OSBPL10: variants seen among roughly 807,000 people sequenced by gnomAD.
OSBPL10 encodes the protein oxysterol-binding protein-related protein 10.
In OSBPL10, 49 loss-of-function variants were observed where a neutral mutation model predicts 81.7. That is an observed-to-expected ratio of 0.60 (90% CI 0.48 to 0.76). The LOEUF (loss-of-function observed/expected upper bound fraction) is 0.76, where lower values mean the gene tolerates loss of function less well. Ranked by LOEUF, OSBPL10 falls within the 30% of genes least tolerant of loss-of-function variation. The probability of loss-of-function intolerance (pLI) is 0.00; values close to 1 mark genes in which losing one functional copy is unlikely to be tolerated. For missense variants in OSBPL10, 923 were observed against 987.8 expected (o/e 0.93, Z 0.88); for synonymous variants, 419 against 383.6 (o/e 1.09, Z -1.08).
chr3:31,766,552 C>G (rs1363381280), intron 4 of OSBPL10, among the ~76,000 whole-genome samples: 2 of 151,898 alleles, frequency 1.3e-5, no homozygotes, highest in Non-Finnish European at 2.9e-5. Context: ...GTTGCCCAGG[C>G]TGGTCTTGAA....
chr3:31,834,646 T>C (rs1227309405), intron 3 of OSBPL10, among the ~76,000 whole-genome samples: 1 of 152,162 alleles, frequency 6.6e-6, no homozygotes, highest in African/African-American at 2.4e-5. Flanking sequence ...AAAACTGCCA[T>C]TTGGGAAAGG....
At chr3:31,675,083 G>A (rs1477541844) in intron 8 of OSBPL10, among the ~76,000 whole-genome samples, 4 of 152,084 alleles carry the variant, frequency 2.6e-5, no homozygotes, top group East Asian at 1.9e-4. Context: ...CCTTCCAGGC[G>A]AGCAATATGT....
At chr3:32,008,448 CA>C (rs1187604974) in intron 2 of OSBPL10, among the ~76,000 whole-genome samples, 1 of 151,812 alleles carries the variant, frequency 6.6e-6, no homozygotes, top group Non-Finnish European at 1.5e-5. Context: ...CCACCGCGTC[CA>C]GCCTGAAATA....
chr3:31,971,584 T>C (rs2125491959), intron 1 of OSBPL10, among the ~76,000 whole-genome samples: 1 of 152,316 alleles, frequency 6.6e-6, no homozygotes, highest in African/African-American at 2.4e-5. Context: ...TCAAATAGCT[T>C]GTCCAAGGCA....
intron 1 of OSBPL10, among the ~76,000 whole-genome samples, chr3:31,946,586 A>C (rs73061494): frequency 0.02 from 3,021 of 152,296 alleles, 51 homozygotes; most frequent in Non-Finnish European, 0.033. Context: ...TGCGGGAGGC[A>C]CAGCGGTAAA....
intron 5 of OSBPL10, among the ~76,000 whole-genome samples, chr3:31,740,394 T>A (rs943425523): frequency 6.6e-6 from 1 of 152,192 alleles, no homozygotes; most frequent in African/African-American, 2.4e-5. Flanking sequence ...TAAAGTCACA[T>A]ATTACTTTTA....
chr3:31,925,968 G>A (rs1697061999), intron 1 of OSBPL10, among the ~76,000 whole-genome samples: 1 of 152,080 alleles, frequency 6.6e-6, no homozygotes, highest in Admixed American at 6.5e-5. Context: ...GATCCATCGA[G>A]ACCCAGGTCA....
chr3:31,954,975 T>C (rs1697966224), intron 1 of OSBPL10, among the ~76,000 whole-genome samples: 1 of 152,216 alleles, frequency 6.6e-6, no homozygotes, highest in Non-Finnish European at 1.5e-5. Flanking sequence ...ACTTGTGTGT[T>C]TACTGTACAA....
intron 4 of OSBPL10, among the ~76,000 whole-genome samples, chr3:31,827,807 T>C (rs1480633452): frequency 6.6e-6 from 1 of 152,202 alleles, no homozygotes; most frequent in Non-Finnish European, 1.5e-5. Context: ...TTTTTTGCAA[T>C]ATAAACTTGC....
At chr3:32,043,138 C>G (rs1699592260) in intron 2 of OSBPL10, among the ~76,000 whole-genome samples, 1 of 152,026 alleles carries the variant, frequency 6.6e-6, no homozygotes, top group South Asian at 2.1e-4. Flanking sequence ...ACAGACACTC[C>G]CAGAGCAGCT....
At chr3:31,962,853 T>C (rs767057591) in intron 1 of OSBPL10, among the ~76,000 whole-genome samples, 3 of 152,200 alleles carry the variant, frequency 2.0e-5, no homozygotes, top group Non-Finnish European at 4.4e-5. Flanking sequence ...TAAACAAATA[T>C]TGAGTACCTA....
Position 31,835,857 on chromosome 3 carries a change from C to T in OSBPL10, c.538-5626G>A, listed in dbSNP as rs1435326854. Among the ~76,000 whole-genome samples, 4 of 152,100 alleles carry T rather than the reference C, an allele frequency of 2.6e-5. No homozygotes were observed. In the East Asian group the frequency reaches 7.7e-4, roughly 29 times the overall value. ...AAATCAACAAAAAGAAAAAGCGTAA[C>T]AATTTTTAAAACAGTATATTGAGGG... On this transcript the variant is annotated intron_variant, in intron 3 of 11. Coordinates refer to ENST00000396556, the MANE Select transcript of OSBPL10 (RefSeq NM_017784.5).
At chr3:31,703,892 C>T (rs1695976460) in intron 6 of OSBPL10, 1 of 152,176 alleles carries the variant, frequency 6.6e-6, no homozygotes, top group South Asian at 2.1e-4. Context: ...TATCTGACGT[C>T]ATTGGCAAGT....
At chr3:31,777,068 T>C (rs769698780) in intron 4 of OSBPL10, among the ~76,000 whole-genome samples, 2 of 152,244 alleles carry the variant, frequency 1.3e-5, no homozygotes, top group South Asian at 2.1e-4. Flanking sequence ...TGTTGTTTAC[T>C]ATAAAAGTCA....
chr3:32,040,099 A>T (rs1039433693), intron 2 of OSBPL10, among the ~76,000 whole-genome samples: 2 of 152,198 alleles, frequency 1.3e-5, no homozygotes, highest in African/African-American at 4.8e-5. Flanking sequence ...AGTTTAAGGC[A>T]GTATACTCAG....
chr3:31,681,380 G>C (rs1221532488), intron 8 of OSBPL10, among the ~76,000 whole-genome samples: 1 of 152,132 alleles, frequency 6.6e-6, no homozygotes, highest in African/African-American at 2.4e-5. Flanking sequence ...CCCAAGAGTG[G>C]CTATTTTCCA....
chr3:31,965,791 AGATATATTATCTATTTAT>A, intron 1 of OSBPL10, among the ~76,000 whole-genome samples: 1 of 77,528 alleles, frequency 1.3e-5, no homozygotes, highest in East Asian at 4.3e-4. Flanking sequence ...TAAATAGATA[AGATATATTATCTATTTAT>A]ATAATATATA....
Position 31,804,531 on chromosome 3 carries a change from G to C in OSBPL10, c.729+25509C>G, listed in dbSNP as rs940796272. On this transcript the variant is annotated intron_variant, in intron 4 of 11. Coordinates refer to ENST00000396556, the MANE Select transcript of OSBPL10 (RefSeq NM_017784.5). ...CTAACAATGAAGGAGACCCGTATTA[G>C]GACAGAAGGGGAGAGAAAAATATCT... Among the ~76,000 whole-genome samples the C allele has an allele frequency of 3.3e-5, 5 of 152,140 alleles. No homozygotes were observed. In the South Asian group the frequency reaches 8.3e-4, roughly 25 times the overall value.
intron 1 of OSBPL10, among the ~76,000 whole-genome samples, chr3:32,071,329 A>G (rs2084742): frequency 0.66 from 100,007 of 152,036 alleles, 35,730 homozygotes; most frequent in East Asian, 0.89. Context: ...ATCCTAACAA[A>G]ACCATTACAT....
Sources: gnomAD v4.1 joint callset for allele counts (sites outside exome capture counted in the v4.1 genomes callset) on GRCh38, gnomAD v4.1.1 for gene constraint, MANE v1.5 for transcripts, NCBI Gene and HGNC (gene_info 2026-07-23, HGNC 2026-07-21) for gene names.